Variants in ARPC1A observed in about 807,000 individuals in gnomAD.
ARPC1A encodes actin related protein 2/3 complex subunit 1A.
In ARPC1A, 8 loss-of-function variants were observed where a neutral mutation model predicts 46.9. That is an observed-to-expected ratio of 0.17 (90% CI 0.10 to 0.31). The LOEUF (loss-of-function observed/expected upper bound fraction) is 0.31. Among genes scored for constraint, ARPC1A ranks in the 10% least tolerant of loss-of-function variants. ARPC1A has a pLI of 1.00. For missense variants in ARPC1A, 286 were observed against 483.6 expected, an observed-to-expected ratio of 0.59 and a Z score of 3.83; for synonymous variants, 152 against 169.0, an observed-to-expected ratio of 0.90 and a Z score of 0.78.
At chr7:99,359,454 G>T (rs1169960201) in intron 7 of ARPC1A, 91 bp from the exon 8 acceptor site, 83 of 1,048,334 alleles carry the variant, frequency 7.9e-5, no homozygotes, top group Non-Finnish European at 1.0e-4. Context: ...AAAAAAAAAA[G>T]AGTAAGAGAG....
chr7:99,347,914 C>T (rs1012927635), intron 4 of ARPC1A, among the ~76,000 whole-genome samples: 1 of 151,896 alleles, frequency 6.6e-6, no homozygotes, highest in African/African-American at 2.4e-5. Flanking sequence ...TATTTAGTCT[C>T]CCAACTGTTG....
intron 6 of ARPC1A, among the ~76,000 whole-genome samples, chr7:99,355,355 G>T (rs1412451314): frequency 6.6e-6 from 1 of 152,002 alleles, no homozygotes; most frequent in South Asian, 2.1e-4. Flanking sequence ...AAATTTTAAA[G>T]ACCTAGGTCT....
chr7:99,360,067 C>G (rs1054661247), intron 8 of ARPC1A: 12 of 380,934 alleles, frequency 3.2e-5, no homozygotes, highest in African/African-American at 6.1e-5. Flanking sequence ...CTCAGCTACT[C>G]GAGAACAAAA....
chr7:99,365,867 A>T, intron 9 of ARPC1A, 24 bp from the exon 10 acceptor site: 1 of 1,564,908 alleles, frequency 6.4e-7, no homozygotes, highest in Non-Finnish European at 8.7e-7. Flanking sequence ...CAGTGACATC[A>T]GTGCTCTTCC....
chr7:99,345,096 G>A (rs780870421), intron 4 of ARPC1A, among the ~76,000 whole-genome samples: 102 of 151,244 alleles, frequency 6.7e-4, no homozygotes, highest in Non-Finnish European at 1.3e-3. Context: ...CATCGTGCCC[G>A]GCTAATTTTT....
chr7:99,354,018 G>A lies in ARPC1A; in HGVS notation c.610G>A (p.Gly204Ser). Residue 204 changes from glycine (G) to serine (S), a missense_variant, in exon 6 of 10, where the codon GGT becomes AGT. Transcript: ENST00000262942. The part of the protein sequence containing the change: ...LMSEFGGSGT[G>S]GWVHGVSFSA... ...GTCAGAGTTTGGTGGCAGTGGCACT[G>A]GTGGCTGGGTCCACGGGGTAAGCTT... 1.9e-6 allele frequency: 3 copies of A among 1,614,056 alleles called. No individual in the cohort carries two copies. The South Asian group carries it at 3.3e-5, about 18-fold the overall frequency.
chr7:99,335,000 T>C (rs1012499482), intron 2 of ARPC1A, among the ~76,000 whole-genome samples: 3 of 152,196 alleles, frequency 2.0e-5, no homozygotes, highest in African/African-American at 4.8e-5. Flanking sequence ...CCAGCCACCA[T>C]GCTCGGCTAA....
rs773481613 is a variant in ARPC1A at position 99,363,636 on chromosome 7, A to AT, written c.1074+7dup. 4.4e-6 allele frequency: 7 copies of AT among 1,589,312 alleles called. No individual in the cohort carries two copies. Among genetic ancestry groups the AT allele is most frequent in the Non-Finnish European group, 6.0e-6 (7 of 1,167,836 alleles). On this transcript the variant is annotated splice_donor_region_variant and intron_variant, in intron 9 of 9. Transcript: ENST00000262942. ...CCATGACAATTTGGGATTTCAAGGT[A>AT]TTTTCTACCTAACAGAACAAATTTT...
chr7:99,344,173 G>A, intron 3 of ARPC1A, 120 bp from the exon 4 acceptor site: 1 of 824,630 alleles, frequency 1.2e-6, no homozygotes. Context: ...GGAAGGATGT[G>A]CCTGGGAGGA....
At chr7:99,332,121 G>T (rs17161677) in intron 1 of ARPC1A, among the ~76,000 whole-genome samples, 9,329 of 151,964 alleles carry the variant, frequency 0.061, 619 homozygotes, top group East Asian at 0.31. Flanking sequence ...TTTATTTCTT[G>T]TAAACTGAAA....
Position 99,354,619 on chromosome 7 carries a change from C to T in ARPC1A, c.713+498C>T, listed in dbSNP as rs1793601609. Among the ~76,000 whole-genome samples, 3 of 150,338 alleles carry T rather than the reference C, an allele frequency of 2.0e-5. No homozygotes were observed. In the South Asian group the frequency reaches 6.3e-4, roughly 32 times the overall value. ...TCCTAGCACTTTGAGAGGCTGTGGG[C>T]AGATCACCTGAGGTCAAGAGTTCAA... On this transcript the variant is annotated intron_variant, in intron 6 of 9. Transcript: ENST00000262942.
intron 6 of ARPC1A, among the ~76,000 whole-genome samples, chr7:99,355,722 C>T (rs1239640755): frequency 6.6e-6 from 1 of 151,184 alleles, no homozygotes. Context: ...CCAGCCTGGG[C>T]AACAGAGCAA....
intron 3 of ARPC1A, among the ~76,000 whole-genome samples, chr7:99,340,577 G>A (rs1562797980): frequency 1.3e-5 from 2 of 152,156 alleles, no homozygotes; most frequent in African/African-American, 2.4e-5. Flanking sequence ...CCAGGAGCTG[G>A]TACTAAAGGT....
chr7:99,344,441 C>G lies in ARPC1A; in HGVS notation c.318C>G (p.Pro106=), dbSNP rs536180933. The change falls in exon 4 of 10, where the codon CCC becomes CCG. Residue 106 remains proline, a synonymous_variant. Transcript: ENST00000262942. ...CAGCTACTTTTGTGAAGTGGTCCCC[C>G]CTAGAGAACAAATTTGCTGTGGGAA... ...NRAATFVKWS[P]LENKFAVGSG... 5.9e-5 allele frequency: 96 copies of G among 1,613,922 alleles called. No individual in the cohort carries two copies. The East Asian group carries it at 1.4e-3, about 24-fold the overall frequency.
rs1793836748 is a variant in ARPC1A at position 99,366,113 on chromosome 7, T to G, written c.*184T>G. 1.4e-6 allele frequency: 1 copy of G among 717,644 alleles called. No individual in the cohort carries two copies. Among genetic ancestry groups the G allele is most frequent in the African/African-American group, 1.8e-5 (1 of 55,598 alleles). 44.5% of individuals were successfully genotyped at this position (717,644 alleles called of 1,614,324 possible). Reference sequence around the variant, plus strand: ...GGTTTTTTTAAGGCAGTAATTTTTTTGTTTGTTTTTTTGCGATTTCATTCC... The same window carrying G: ...GGTTTTTTTAAGGCAGTAATTTTTTGGTTTGTTTTTTTGCGATTTCATTCC... On this transcript the variant is annotated 3_prime_UTR_variant, in exon 10 of 10. Transcript: ENST00000262942.
At chr7:99,364,592 A>G (rs1290046165) in intron 9 of ARPC1A, among the ~76,000 whole-genome samples, 1 of 152,020 alleles carries the variant, frequency 6.6e-6, no homozygotes, top group African/African-American at 2.4e-5. Flanking sequence ...TTAAAACCTA[A>G]AAGTCATCCG....
At chr7:99,353,111 A>AG (rs1562801221) in intron 5 of ARPC1A, among the ~76,000 whole-genome samples, 1 of 123,596 alleles carries the variant, frequency 8.1e-6, no homozygotes, top group African/African-American at 4.0e-5. Context: ...AGTTTAGTTT[A>AG]GTTTATGTTA....
At chr7:99,341,244 G>A (rs1442731786) in intron 3 of ARPC1A, among the ~76,000 whole-genome samples, 1 of 152,084 alleles carries the variant, frequency 6.6e-6, no homozygotes, top group Non-Finnish European at 1.5e-5. Flanking sequence ...AGGAGGCAGA[G>A]GTTGCGGTGA....
At chr7:99,337,477 T>A (rs1057305812) in intron 2 of ARPC1A, among the ~76,000 whole-genome samples, 2 of 152,192 alleles carry the variant, frequency 1.3e-5, no homozygotes, top group African/African-American at 4.8e-5. Flanking sequence ...GCATTGCGTT[T>A]GAGCATGACC....
Sources: allele counts gnomAD v4.1 joint callset (sites outside exome capture counted in the v4.1 genomes callset), GRCh38; gene constraint gnomAD v4.1.1; transcripts MANE v1.5; gene names NCBI Gene and HGNC (gene_info 2026-07-23, HGNC 2026-07-21).